Variants in CDK8 observed in about 807,000 individuals in gnomAD.
The protein encoded by CDK8 is cyclin dependent kinase 8, also known as cyclin-dependent kinase 8.
A neutral mutation model predicts 71.5 loss-of-function variants in CDK8; 29 were observed. The ratio of observed to expected loss-of-function variants is 0.41; its 90% CI spans 0.30 to 0.55. CDK8 has a LOEUF of 0.55. CDK8 is among the 20% of genes least tolerant of loss of function. CDK8 has a pLI of 0.37. For missense variants in CDK8, 288 were observed against 572.6 expected (o/e 0.50, Z 5.07); for synonymous variants, 161 against 192.1 (o/e 0.84, Z 1.34).
intron 1 of CDK8, among the ~76,000 whole-genome samples, chr13:26,310,220 C>T (rs964736405): frequency 6.6e-6 from 1 of 152,216 alleles, no homozygotes; most frequent in Non-Finnish European, 1.5e-5. Flanking sequence ...CTCTGGCCAC[C>T]ACCATCTGCT....
In CDK8 at chr13:26,254,594, TGCCCCCCG is replaced by T. The variant is rs773036928; in HGVS notation, c.-39_-32del. ...CCCGTGCTTCCCCGGTCCCCACCCC[TGCCCCCCG>T]GCCCCCCGACCCAGCTCTCCGGCCT... On this transcript the variant is annotated 5_prime_UTR_variant, in exon 1 of 13. Transcript: ENST00000381527. This position sits in a 1 kb window ranked among gnomAD's most constrained non-coding sequence, Gnocchi z 6.7. 7.3e-6 allele frequency: 5 copies of T among 685,222 alleles called. No individual in the cohort carries two copies. Among genetic ancestry groups the T allele is most frequent in the Admixed American group, 2.6e-5 (1 of 39,032 alleles). 42.4% of individuals were successfully genotyped at this position (685,222 alleles called of 1,614,324 possible).
chr13:26,375,111 A>G lies in CDK8; in HGVS notation c.457-7703A>G, dbSNP rs934229005. On this transcript the variant is annotated intron_variant, in intron 4 of 12. Coordinates refer to ENST00000381527, the MANE Select transcript of CDK8 (RefSeq NM_001260.3). ...AAAAATTTTAATGATATAATACTAA[A>G]TGAGAAGGATGCAAACAATATATTT... is the stretch of plus-strand genomic sequence containing the variant. 5.9e-5 allele frequency among the ~76,000 whole-genome samples: 9 copies of G among 152,194 alleles called. No homozygotes were observed. The South Asian group carries it at 1.5e-3, about 25-fold the overall frequency.
chr13:26,255,217 A>AT (rs961896494), intron 1 of CDK8, among the ~76,000 whole-genome samples: 47 of 152,002 alleles, frequency 3.1e-4, no homozygotes, highest in African/African-American at 9.4e-4. Flanking sequence ...TTTGTGATCG[A>AT]TTTTTTATCA....
At chr13:26,311,191 C>T (rs958878761) in intron 1 of CDK8, among the ~76,000 whole-genome samples, 1 of 152,000 alleles carries the variant, frequency 6.6e-6, no homozygotes, top group African/African-American at 2.4e-5. Context: ...AAAAATGGGG[C>T]CACCTAGCAG....
intron 1 of CDK8, among the ~76,000 whole-genome samples, chr13:26,303,880 G>T (rs1397823278): frequency 6.6e-6 from 1 of 152,050 alleles, no homozygotes; most frequent in Admixed American, 6.6e-5. Flanking sequence ...ATATTACTTT[G>T]TCTGTTATTA....
intron 1 of CDK8, among the ~76,000 whole-genome samples, chr13:26,315,706 C>T (rs1196417031): frequency 6.6e-6 from 1 of 152,042 alleles, no homozygotes; most frequent in African/African-American, 2.4e-5. Context: ...GCTTTCTAGC[C>T]ATGTTACTTT....
chr13:26,287,344 C>T (rs1289910583), intron 1 of CDK8, among the ~76,000 whole-genome samples: 1 of 152,122 alleles, frequency 6.6e-6, no homozygotes, highest in Non-Finnish European at 1.5e-5. Flanking sequence ...TCTCGGCTCA[C>T]TGCAACCTCC....
intron 1 of CDK8, among the ~76,000 whole-genome samples, chr13:26,310,138 C>G (rs1027795100): frequency 6.6e-6 from 1 of 152,210 alleles, no homozygotes; most frequent in Non-Finnish European, 1.5e-5. Context: ...CTATCTCCAG[C>G]TTTCTTCATC....
At chr13:26,297,118 C>T (rs1873596012) in intron 1 of CDK8, among the ~76,000 whole-genome samples, 1 of 152,122 alleles carries the variant, frequency 6.6e-6, no homozygotes. Context: ...AAGTCATTTA[C>T]CCAGGAAACA....
intron 4 of CDK8, among the ~76,000 whole-genome samples, chr13:26,369,921 T>G (rs1050389622): frequency 6.6e-6 from 1 of 152,014 alleles, no homozygotes; most frequent in Non-Finnish European, 1.5e-5. Flanking sequence ...AGATGCTCTA[T>G]AGAACACTGA....
chr13:26,396,189 C>A, intron 7 of CDK8, 96 bp from the exon 8 acceptor site: 1 of 456,664 alleles, frequency 2.2e-6, no homozygotes, highest in South Asian at 4.9e-5. Flanking sequence ...GGAGGTTGAA[C>A]GGATAGGAAA....
chr13:26,277,694 G>C (rs1344910341), intron 1 of CDK8, among the ~76,000 whole-genome samples: 1 of 152,106 alleles, frequency 6.6e-6, no homozygotes, highest in Non-Finnish European at 1.5e-5. Context: ...CTGATGAACT[G>C]TTGTTTATTT....
At chr13:26,320,220 C>A (rs1424260992) in intron 1 of CDK8, among the ~76,000 whole-genome samples, 1 of 150,434 alleles carries the variant, frequency 6.6e-6, no homozygotes, top group Non-Finnish European at 1.5e-5. Flanking sequence ...GGCAAAATGG[C>A]GAGACCTTGT....
At chr13:26,398,759 G>T (rs1876110223) in intron 9 of CDK8, among the ~76,000 whole-genome samples, 1 of 151,996 alleles carries the variant, frequency 6.6e-6, no homozygotes, top group African/African-American at 2.4e-5. Context: ...GGATCACAAG[G>T]TCAGGAGATT....
intron 1 of CDK8, among the ~76,000 whole-genome samples, chr13:26,284,912 A>G (rs1209055638): frequency 1.3e-5 from 2 of 148,992 alleles, no homozygotes; most frequent in Non-Finnish European, 3.0e-5. Context: ...ACATACCAAT[A>G]TCCCTGATGA....
intron 1 of CDK8, among the ~76,000 whole-genome samples, chr13:26,309,106 T>G (rs897521935): frequency 6.6e-6 from 1 of 152,086 alleles, no homozygotes; most frequent in Admixed American, 6.6e-5. Context: ...CCTGTCATTA[T>G]CATCATCATT....
At chr13:26,324,174 TA>T in intron 1 of CDK8, among the ~76,000 whole-genome samples, 1 of 152,340 alleles carries the variant, frequency 6.6e-6, no homozygotes, top group African/African-American at 2.4e-5. Context: ...TGTGGTCAGA[TA>T]TTTTTGTTTA....
intron 4 of CDK8, among the ~76,000 whole-genome samples, chr13:26,379,743 G>A (rs534085786): frequency 1.3e-5 from 2 of 152,314 alleles, no homozygotes; most frequent in African/African-American, 4.8e-5. Flanking sequence ...ACACTCCGGT[G>A]TTAGAAAAAT....
At chr13:26,398,962 C>CA (rs200778680) in intron 9 of CDK8, among the ~76,000 whole-genome samples, 51,226 of 136,586 alleles carry the variant, frequency 0.38, 9,139 homozygotes, top group East Asian at 0.52. Context: ...GACTCTATCT[C>CA]AAAAAAAAAA....
Sources: gnomAD v4.1 joint callset for allele counts (sites outside exome capture counted in the v4.1 genomes callset) on GRCh38, gnomAD v4.1.1 for gene constraint, Gnocchi (gnomAD v3.1) non-coding constraint, MANE v1.5 for transcripts, NCBI Gene and HGNC (gene_info 2026-07-23, HGNC 2026-07-21) for gene names.